The following GASK1A variants were observed in gnomAD, a reference collection of about 807,000 sequenced individuals.
GASK1A encodes golgi associated kinase 1A, also known as Golgi-associated kinase 1A.
GASK1A carries 40 observed loss-of-function variants against 41.2 expected under a neutral mutation model. That is an observed-to-expected ratio of 0.97 (90% CI 0.75 to 1.27). GASK1A has a LOEUF of 1.27. GASK1A is among the 50% of genes most tolerant of loss of function. The pLI, the probability that GASK1A is intolerant of heterozygous loss-of-function variation, is 0.00. For missense variants in GASK1A, 678 were observed against 745.1 expected, an observed-to-expected ratio of 0.91 and a Z score of 1.05; for synonymous variants, 316 against 307.1, an observed-to-expected ratio of 1.03 and a Z score of -0.30.
In GASK1A at chr3:42,984,325, T is replaced by A. The variant is rs2089297123; in HGVS notation, c.3+4680T>A. Among the ~76,000 whole-genome samples, 2 of 151,742 alleles carry A rather than the reference T, an allele frequency of 1.3e-5. No individual in the cohort carries two copies. The highest frequency in any genetic ancestry group is 2.4e-5 in the African/African-American group (1 of 41,282). ...CTCTCTCTCTCTCTTTCTCTCTCTC[T>A]CACACACACACACGCTGACTTTCAC... On this transcript the variant is annotated intron_variant, in intron 1 of 4. Transcript: ENST00000430121. The surrounding 1 kb of genome is among the most constrained non-coding windows in gnomAD (Gnocchi z 4.2).
chr3:42,982,203 G>A (rs1371294768), intron 1 of GASK1A, among the ~76,000 whole-genome samples: 2 of 152,176 alleles, frequency 1.3e-5, no homozygotes, highest in Non-Finnish European at 2.9e-5. Context: ...CTTTGCAGTG[G>A]TGGTGGGAGG....
At chr3:43,009,280 C>G (rs139555808) in intron 1 of GASK1A, among the ~76,000 whole-genome samples, 1 of 152,202 alleles carries the variant, frequency 6.6e-6, no homozygotes, top group Non-Finnish European at 1.5e-5. Flanking sequence ...CACAACTCAT[C>G]ATCTCCCATG....
rs987386439 is a variant in GASK1A, at chr3:43,032,577, G to C, written c.314G>C (p.Arg105Thr). Residue 105 changes from arginine (R) to threonine (T), a missense_variant, in exon 2 of 5, where the codon AGG becomes ACG. Physicochemically the swap from Arg to Thr is moderately conservative, Grantham distance 71. Transcript: ENST00000430121. ...CATAGAGCAAGAGTGGACAGAAGCA[G>C]GGAGTCCCCAGGAGGGGACCTCAGG... ...QGHRARVDRS[R>T]ESPGGDLRHP... 1.1e-5 allele frequency: 17 copies of C among 1,551,184 alleles called. No homozygotes were observed. Among genetic ancestry groups the C allele is most frequent in the Non-Finnish European group, 1.5e-5 (17 of 1,146,638 alleles).
At position 43,032,698 on chromosome 3, in the gene GASK1A, T is replaced by C. The variant is rs1010880648; in HGVS notation, c.435T>C (p.Asp145=). 83 of 1,551,488 alleles carry C rather than the reference T, an allele frequency of 5.3e-5. No individual in the cohort carries two copies. The highest frequency in any genetic ancestry group is 7.1e-5 in the Non-Finnish European group (81 of 1,146,996). ...TCCTGAGGGAGGATGAGGTTGGAGA[T>C]CCAGGAACCAAAGACCTGGGCCACC... ...VVLLREDEVG[D]PGTKDLGHPQ... is the part of the protein sequence containing the mutation. The change falls in exon 2 of 5, where the codon GAT becomes GAC. Residue 145 remains aspartate (D), a synonymous_variant. Coordinates refer to ENST00000430121, the MANE Select transcript of GASK1A (RefSeq NM_001129908.3).
At chr3:42,986,168 C>G (rs1455243922) in intron 1 of GASK1A, among the ~76,000 whole-genome samples, 1 of 152,226 alleles carries the variant, frequency 6.6e-6, no homozygotes, top group African/African-American at 2.4e-5. Context: ...TAGATCCATG[C>G]AACAACGTGG....
In GASK1A at chr3:43,056,325, A is replaced by G; in HGVS notation, c.1667A>G (p.Gln556Arg). The G allele has an allele frequency of 6.4e-7, 1 of 1,551,486 alleles. No individual in the cohort carries two copies. Among genetic ancestry groups the G allele is most frequent in the South Asian group, 1.2e-5 (1 of 84,044 alleles). The change falls in exon 5 of 5, where the codon CAG (glutamine) becomes CGG (arginine). Residue 556 changes from glutamine to arginine, a missense_variant. Physicochemically the swap from Gln to Arg is conservative, Grantham distance 43. Transcript: ENST00000430121. The part of the protein sequence containing the change: ...QVLQTLEQRG[Q>R]VLLGHIQKHN... ...CTCCAGACCCTGGAGCAGCGAGGAC[A>G]GGTGCTGCTGGGACACATCCAAAAG...
intron 1 of GASK1A, among the ~76,000 whole-genome samples, chr3:42,994,922 T>C (rs1443853264): frequency 6.6e-6 from 1 of 152,236 alleles, no homozygotes; most frequent in African/African-American, 2.4e-5. Flanking sequence ...GGAAATGTTC[T>C]ATCCTGTGCT....
chr3:42,979,569 G>C lies in GASK1A; in HGVS notation c.-74G>C, dbSNP rs2089269132. The C allele has an allele frequency of 2.3e-5, 28 of 1,235,956 alleles. No individual in the cohort carries two copies. Among genetic ancestry groups the C allele is most frequent in the Non-Finnish European group, 2.8e-5 (28 of 986,160 alleles). The allele number at this position is 1,235,956 out of a possible 1,614,324, so 76.6% of individuals were successfully genotyped here. ...CCTGGCGAGCCACGGCGCCGGGGGC[G>C]GCCAAGGGGAGGCGGGATGAGTCTG... On this transcript the variant is annotated 5_prime_UTR_variant, in exon 1 of 5. Transcript: ENST00000430121.
At chr3:42,987,396 G>A (rs951382457) in intron 1 of GASK1A, among the ~76,000 whole-genome samples, 9 of 152,090 alleles carry the variant, frequency 5.9e-5, no homozygotes, top group Admixed American at 2.0e-4. Flanking sequence ...TACTGATAAA[G>A]CCTGGTACTG....
At chr3:43,016,866 T>C (rs2089494030) in intron 1 of GASK1A, among the ~76,000 whole-genome samples, 2 of 150,408 alleles carry the variant, frequency 1.3e-5, no homozygotes, top group Non-Finnish European at 3.0e-5. Flanking sequence ...GAATGGGCAG[T>C]GGGAAGTCAC....
chr3:43,018,615 C>T (rs1193768106), intron 1 of GASK1A, among the ~76,000 whole-genome samples: 4 of 152,158 alleles, frequency 2.6e-5, no homozygotes, highest in Non-Finnish European at 5.9e-5. Context: ...CATTGATATT[C>T]TTCTATTTCT....
Position 43,033,161 on chromosome 3 carries a change from C to G in GASK1A, c.898C>G (p.Leu300Val). The G allele has an allele frequency of 6.4e-7, 1 of 1,550,778 alleles. No individual in the cohort carries two copies. Among genetic ancestry groups the G allele is most frequent in the Non-Finnish European group, 8.7e-7 (1 of 1,146,414 alleles). The change falls in exon 2 of 5, where the codon CTT (leucine) becomes GTT (valine). Residue 300 changes from leucine to valine, a missense_variant. By Grantham distance (32) the Leu-to-Val change is conservative. Transcript: ENST00000430121. ...GGTTGGCTTCTCCACTGAGGCTGCC[C>G]TTCAGGACCTGTCCTCTCCCAGGCT... The part of the protein sequence containing the change: ...LQVGFSTEAA[L>V]QDLSSPRLSQ...
At chr3:43,007,757 A>G (rs1411160608) in intron 1 of GASK1A, among the ~76,000 whole-genome samples, 3 of 152,236 alleles carry the variant, frequency 2.0e-5, no homozygotes, top group East Asian at 1.9e-4. Flanking sequence ...TCAGGAGGAA[A>G]GAAAGAGAAT....
At chr3:42,986,393 G>C (rs975868849) in intron 1 of GASK1A, among the ~76,000 whole-genome samples, 10 of 152,188 alleles carry the variant, frequency 6.6e-5, no homozygotes, top group African/African-American at 2.4e-4. Flanking sequence ...TCCTGACTGT[G>C]GTGGTGGACA....
At chr3:42,985,586 T>TGTGTGTGTGTGG (rs1237908326) in intron 1 of GASK1A, among the ~76,000 whole-genome samples, 7 of 144,352 alleles carry the variant, frequency 4.8e-5, no homozygotes, top group South Asian at 2.2e-4. Flanking sequence ...TGTGTGTGTG[T>TGTGTGTGTGTGG]GGGCGGAGGC....
chr3:43,034,961 C>T (rs1004510737), intron 2 of GASK1A, among the ~76,000 whole-genome samples: 1 of 152,184 alleles, frequency 6.6e-6, no homozygotes, highest in African/African-American at 2.4e-5. Context: ...AGTCTGTTTC[C>T]AGTCACGGGA....
At chr3:43,051,219 T>C (rs1356445809) in intron 2 of GASK1A, among the ~76,000 whole-genome samples, 1 of 152,232 alleles carries the variant, frequency 6.6e-6, no homozygotes, top group Non-Finnish European at 1.5e-5. Flanking sequence ...TATTTGCTTG[T>C]TTTATTTTTA....
chr3:43,053,948 G>C (rs1466709294), intron 3 of GASK1A: 9 of 440,662 alleles, frequency 2.0e-5, no homozygotes, highest in Non-Finnish European at 3.4e-5. Flanking sequence ...AGTAGAGTTT[G>C]AGAATGGTGT....
intron 1 of GASK1A, among the ~76,000 whole-genome samples, chr3:43,003,492 CAA>C (rs34122767): frequency 6.3e-4 from 60 of 95,488 alleles, no homozygotes; most frequent in Middle Eastern, 9.7e-3. Context: ...GAGACTGTCT[CAA>C]AAAAAAAAAA....
Sources: gnomAD v4.1 joint callset for allele counts (sites outside exome capture counted in the v4.1 genomes callset) on GRCh38, gnomAD v4.1.1 for gene constraint, Gnocchi (gnomAD v3.1) non-coding constraint, MANE v1.5 for transcripts, NCBI Gene and HGNC (gene_info 2026-07-23, HGNC 2026-07-21) for gene names.